The following SCRG1 variants were observed in gnomAD, a reference collection of about 807,000 sequenced individuals.
SCRG1 encodes the protein scrapie-responsive protein 1.
A neutral mutation model predicts 7.7 loss-of-function variants in SCRG1; 3 were observed. The ratio of observed to expected loss-of-function variants is 0.39; its 90% confidence interval spans 0.18 to 1.01. The LOEUF (loss-of-function observed/expected upper bound fraction) is 1.01, where lower values mean the gene tolerates loss of function less well. SCRG1 is among the 50% of genes least tolerant of loss of function. The pLI is 0.36. For missense variants in SCRG1, 110 were observed against 117.2 expected (o/e 0.94, Z 0.28); for synonymous variants, 46 against 41.2 (o/e 1.12, Z -0.44).
chr4:173,396,871 G>A (rs1169684451), intron 1 of SCRG1, among the ~76,000 whole-genome samples: 1 of 151,906 alleles, frequency 6.6e-6, no homozygotes, highest in Non-Finnish European at 1.5e-5. Context: ...TGGCCAACAT[G>A]GTGAAACCCC....
the SCRG1 span, among the ~76,000 whole-genome samples, chr4:173,507,959 C>CTA: frequency 6.6e-6 from 1 of 152,214 alleles, no homozygotes; most frequent in Non-Finnish European, 1.5e-5. The surrounding 1 kb of genome is among the most constrained non-coding windows in gnomAD (Gnocchi z 4.4). Flanking sequence ...AGTGCGGCTC[C>CTA]CGGAGGCGCT....
At chr4:173,485,863 G>A in the SCRG1 span, among the ~76,000 whole-genome samples, 11 of 152,138 alleles carry the variant, frequency 7.2e-5, no homozygotes, top group South Asian at 1.2e-3. Context: ...CCAGCTACTC[G>A]CGAGGCTGAG....
the SCRG1 span, among the ~76,000 whole-genome samples, chr4:173,437,273 C>A: frequency 6.6e-6 from 1 of 152,176 alleles, no homozygotes; most frequent in African/African-American, 2.4e-5. Context: ...CATACACACA[C>A]ACACACGCAC....
chr4:173,445,563 C>T, the SCRG1 span, among the ~76,000 whole-genome samples: 5 of 122,654 alleles, frequency 4.1e-5, no homozygotes, highest in African/African-American at 1.5e-4. Flanking sequence ...GCCTGGGTGA[C>T]AGAGTAAGAC....
At chr4:173,472,503 G>A in the SCRG1 span, among the ~76,000 whole-genome samples, 1 of 152,192 alleles carries the variant, frequency 6.6e-6, no homozygotes. Context: ...TGGGAGAGCT[G>A]ATGGTGTAGT....
At chr4:173,415,954 G>T in the SCRG1 span, among the ~76,000 whole-genome samples, 7 of 152,198 alleles carry the variant, frequency 4.6e-5, no homozygotes, top group Non-Finnish European at 1.0e-4. Context: ...TGAAAAAAAG[G>T]CTGATTGTCA....
the SCRG1 span, among the ~76,000 whole-genome samples, chr4:173,484,467 T>A: frequency 1.1e-4 from 2 of 17,844 alleles, no homozygotes; most frequent in Non-Finnish European, 2.5e-4. Flanking sequence ...TATATACATA[T>A]AATATATAAT....
At chr4:173,515,171 C>T in the SCRG1 span, among the ~76,000 whole-genome samples, 1 of 152,166 alleles carries the variant, frequency 6.6e-6, no homozygotes. The surrounding 1 kb of genome is among the most constrained non-coding windows in gnomAD (Gnocchi z 4.6). Context: ...CCTTGGTTTC[C>T]CCAGCTGTTT....
the SCRG1 span, among the ~76,000 whole-genome samples, chr4:173,429,584 C>T: frequency 6.6e-6 from 1 of 152,292 alleles, no homozygotes; most frequent in Admixed American, 6.5e-5. Flanking sequence ...GAATGAGCCA[C>T]TGAACCCATC....
the SCRG1 span, among the ~76,000 whole-genome samples, chr4:173,494,174 G>T: frequency 6.6e-6 from 1 of 152,094 alleles, no homozygotes; most frequent in South Asian, 2.1e-4. Flanking sequence ...CCACAGGTAC[G>T]TGCACACCCA....
Position 173,397,879 on chromosome 4 carries a change from G to A in SCRG1, c.-15+1189C>T, listed in dbSNP as rs540173944. 4.6e-5 allele frequency among the ~76,000 whole-genome samples: 7 copies of A among 152,186 alleles called. No individual in the cohort carries two copies. In the East Asian group the frequency reaches 5.8e-4, roughly 13 times the overall value. ...TAGACAGAAAAGACAGTCCATTTTC[G>A]GATTGCTTTCAAAAAAGCAGCAAGA... On this transcript the variant is annotated intron_variant, in intron 1 of 2. Transcript: ENST00000296506.
At chr4:173,484,570 A>G in the SCRG1 span, among the ~76,000 whole-genome samples, 48,877 of 89,876 alleles carry the variant, frequency 0.54, 14,366 homozygotes, top group East Asian at 0.69. Context: ...TATTATGTAT[A>G]TTTTATATAT....
chr4:173,485,005 ATATAATAT>A, the SCRG1 span, among the ~76,000 whole-genome samples: 1 of 3,582 alleles, frequency 2.8e-4, no homozygotes, highest in Non-Finnish European at 6.4e-4. Flanking sequence ...TATATTATAA[ATATAATAT>A]ATAATATATA....
chr4:173,469,500 G>T, the SCRG1 span: 9 of 151,994 alleles, frequency 5.9e-5, no homozygotes, highest in Admixed American at 4.6e-4. Flanking sequence ...CATTAAATTG[G>T]CAAGATTTTA....
chr4:173,393,343 A>G (rs17259430), intron 1 of SCRG1, among the ~76,000 whole-genome samples: 59,362 of 151,966 alleles, frequency 0.39, 13,385 homozygotes, highest in East Asian at 0.55. Flanking sequence ...TTTCCTTAGA[A>G]TTATCAATAT....
At chr4:173,441,986 T>C in the SCRG1 span, among the ~76,000 whole-genome samples, 1 of 152,256 alleles carries the variant, frequency 6.6e-6, no homozygotes, top group Non-Finnish European at 1.5e-5. Context: ...ACCTTGTTTA[T>C]GGCTCTATCC....
chr4:173,495,183 C>G, the SCRG1 span, among the ~76,000 whole-genome samples: 30 of 152,308 alleles, frequency 2.0e-4, no homozygotes, highest in African/African-American at 7.2e-4. Flanking sequence ...TATTATTATA[C>G]GATATCGTCG....
At chr4:173,401,922 A>G (rs1314297321), upstream of SCRG1, among the ~76,000 whole-genome samples, 1 of 152,250 alleles carries the variant, frequency 6.6e-6, no homozygotes, top group Non-Finnish European at 1.5e-5. Context: ...AAGGAGTTCA[A>G]TTCCAAACCA....
chr4:173,433,051 T>G, the SCRG1 span, among the ~76,000 whole-genome samples: 38 of 152,370 alleles, frequency 2.5e-4, no homozygotes, highest in East Asian at 4.0e-3. Context: ...GCTTTGCAGA[T>G]ATTCTGTTTT....
Sources: allele counts gnomAD v4.1 joint callset (sites outside exome capture counted in the v4.1 genomes callset), GRCh38; gene constraint gnomAD v4.1.1; non-coding constraint Gnocchi (gnomAD v3.1); transcripts MANE v1.5; gene names NCBI Gene and HGNC (gene_info 2026-07-23, HGNC 2026-07-21).